FRMD4B: variants seen among roughly 807,000 people sequenced by gnomAD.
The protein encoded by FRMD4B is FERM domain-containing protein 4B.
A neutral mutation model predicts 141.5 loss-of-function variants in FRMD4B; 74 were observed. The observed-to-expected ratio is 0.52, with a 90% CI of 0.43 to 0.63. The LOEUF (loss-of-function observed/expected upper bound fraction) is 0.63, where lower values mean the gene tolerates loss of function less well. Among genes scored for constraint, FRMD4B ranks in the 30% least tolerant of loss-of-function variants. The probability of loss-of-function intolerance (pLI) is 0.00; values close to 1 mark genes in which losing one functional copy is unlikely to be tolerated. For synonymous variants in FRMD4B, 506 were observed against 467.9 expected (o/e 1.08, Z -1.05); for missense variants, 1,366 against 1,253.4 (o/e 1.09, Z -1.36).
chr3:69,368,371 TACA>T (rs1470628134), intron 1 of FRMD4B, among the ~76,000 whole-genome samples: 1 of 152,190 alleles, frequency 6.6e-6, no homozygotes, highest in Non-Finnish European at 1.5e-5. Context: ...TTCATCCCAT[TACA>T]ACATCTATTA....
At chr3:69,541,816 G>C (rs1322861711) in intron 1 of FRMD4B, among the ~76,000 whole-genome samples, 1 of 146,664 alleles carries the variant, frequency 6.8e-6, no homozygotes, top group African/African-American at 2.6e-5. Context: ...CTGCCTTTTA[G>C]AAGTATCTCT....
At chr3:69,444,325 G>A (rs1463704568) in intron 1 of FRMD4B, among the ~76,000 whole-genome samples, 1 of 152,188 alleles carries the variant, frequency 6.6e-6, no homozygotes, top group African/African-American at 2.4e-5. Flanking sequence ...GGTGATTACA[G>A]TATCTGATGC....
chr3:69,222,297 C>T (rs559980303), intron 8 of FRMD4B, among the ~76,000 whole-genome samples: 332 of 151,970 alleles, frequency 2.2e-3, no homozygotes, highest in Non-Finnish European at 3.7e-3. Context: ...GAAACCCCAT[C>T]TCTACTAAAA....
chr3:69,247,448 A>G (rs1348875429), intron 7 of FRMD4B, among the ~76,000 whole-genome samples: 1 of 152,148 alleles, frequency 6.6e-6, no homozygotes, highest in East Asian at 1.9e-4. Flanking sequence ...TGCATATCTG[A>G]TATTCCCAGG....
intron 1 of FRMD4B, among the ~76,000 whole-genome samples, chr3:69,514,821 T>A (rs1700726469): frequency 6.6e-6 from 1 of 152,194 alleles, no homozygotes; most frequent in African/African-American, 2.4e-5. Context: ...ACAATCCCTG[T>A]CAAAATCCCA....
At chr3:69,487,241 T>C (rs1348015853) in intron 1 of FRMD4B, among the ~76,000 whole-genome samples, 1 of 152,228 alleles carries the variant, frequency 6.6e-6, no homozygotes, top group Non-Finnish European at 1.5e-5. Flanking sequence ...CCTGAGTCTA[T>C]AGTCCCCAGT....
chr3:69,237,621 T>C (rs9877010), intron 7 of FRMD4B, among the ~76,000 whole-genome samples: 139,572 of 152,154 alleles, frequency 0.92, 64,339 homozygotes, highest in Non-Finnish European at 0.96. Flanking sequence ...AGCGCCTTCA[T>C]GGGGGTTCAG....
intron 13 of FRMD4B, 177 bp downstream of exon 13, chr3:69,196,723 G>T: frequency 1.7e-6 from 1 of 602,392 alleles, no homozygotes. Context: ...TTTTAAAGCA[G>T]CTTATATATT....
Position 69,287,779 on chromosome 3 carries a change from GA to G in FRMD4B, c.473del (p.Phe158SerfsTer2). On this transcript the variant is annotated frameshift_variant, in exon 5 of 23. Coordinates refer to ENST00000398540, the MANE Select transcript of FRMD4B (RefSeq NM_015123.3). LOFTEE classifies it high-confidence loss of function. ...LKDKTTVELFFLNAKACVHKG... is the reference protein window; with the variant it reads ...LKDKTTVELFXLNAKACVHKG... ...TGTGCACACAGGCCTTTGCATTCAG[GA>G]AAAACAGCTCCACGGTGGTTTTATC... 3 of 1,604,624 alleles carry G rather than the reference GA, an allele frequency of 1.9e-6. No homozygotes were observed. Among genetic ancestry groups the G allele is most frequent in the Non-Finnish European group, 2.6e-6 (3 of 1,172,364 alleles).
chr3:69,414,873 T>C (rs2106791135), intron 2 of FRMD4B, among the ~76,000 whole-genome samples: 1 of 148,776 alleles, frequency 6.7e-6, no homozygotes, highest in Admixed American at 6.7e-5. Flanking sequence ...TTTTTTTTTT[T>C]TTTTTTTTTT....
rs145601424 is a variant in FRMD4B at position 69,372,880 on chromosome 3, A to G, written c.162+12948T>C. On this transcript the variant is annotated intron_variant, in intron 1 of 22. Transcript: ENST00000398540. The stretch of plus-strand genomic sequence containing the variant: ...GGCAGGTATAATATTAATATCTCCA[A>G]TTTAAAAATGAGGCACAGACATGGA... 8.5e-3 allele frequency among the ~76,000 whole-genome samples: 1,299 copies of G among 152,310 alleles called. 43 individuals are homozygous for G. Among genetic ancestry groups the G allele is most frequent in the Non-Finnish European group, 6.2e-3 (424 of 68,020 alleles).
intron 1 of FRMD4B, among the ~76,000 whole-genome samples, chr3:69,487,022 A>T (rs1706226720): frequency 6.6e-6 from 1 of 152,222 alleles, no homozygotes; most frequent in Non-Finnish European, 1.5e-5. Context: ...TACACTTAAG[A>T]TAACGTCTGA....
chr3:69,419,253 G>C (rs887099574), intron 2 of FRMD4B, among the ~76,000 whole-genome samples: 2 of 152,164 alleles, frequency 1.3e-5, no homozygotes, highest in Admixed American at 6.5e-5. Flanking sequence ...ATTCAATGAA[G>C]ATGAATATGG....
chr3:69,265,031 G>A (rs1187082190), intron 5 of FRMD4B, among the ~76,000 whole-genome samples: 2 of 151,798 alleles, frequency 1.3e-5, no homozygotes, highest in East Asian at 2.0e-4. Context: ...AGAGGCAGGC[G>A]GATCATGAGG....
intron 11 of FRMD4B, among the ~76,000 whole-genome samples, chr3:69,211,517 A>G (rs548332706): frequency 4.3e-4 from 65 of 152,356 alleles, no homozygotes; most frequent in African/African-American, 1.5e-3. Flanking sequence ...TTCACAGGTG[A>G]TAACTGATAC....
intron 2 of FRMD4B, among the ~76,000 whole-genome samples, chr3:69,411,040 G>A (rs1182026919): frequency 6.6e-6 from 1 of 152,036 alleles, no homozygotes; most frequent in Admixed American, 6.6e-5. Context: ...TGGCAAACTA[G>A]AGATGGCATC....
chr3:69,340,354 C>T (rs908838670), intron 1 of FRMD4B, among the ~76,000 whole-genome samples: 1 of 152,080 alleles, frequency 6.6e-6, no homozygotes, highest in African/African-American at 2.4e-5. Context: ...TCTGTTGTTC[C>T]TCTCTTTGTG....
At chr3:69,208,874 G>A (rs927503600) in intron 11 of FRMD4B, among the ~76,000 whole-genome samples, 37 of 151,950 alleles carry the variant, frequency 2.4e-4, no homozygotes, top group African/African-American at 3.9e-4. Context: ...TGCCAGGCGC[G>A]GTGGCTCACA....
intron 1 of FRMD4B, among the ~76,000 whole-genome samples, chr3:69,449,085 T>C (rs1480864858): frequency 6.6e-6 from 1 of 152,122 alleles, no homozygotes; most frequent in Non-Finnish European, 1.5e-5. Flanking sequence ...CAACAGGCTT[T>C]ATATAACTCT....
Sources: gnomAD v4.1 joint callset for allele counts (sites outside exome capture counted in the v4.1 genomes callset) on GRCh38, gnomAD v4.1.1 for gene constraint, MANE v1.5 for transcripts, NCBI Gene and HGNC (gene_info 2026-07-23, HGNC 2026-07-21) for gene names.